GSE1: variants seen among roughly 807,000 people sequenced by gnomAD.
The protein encoded by GSE1 is Gse1 coiled-coil protein.
A neutral mutation model predicts 112.6 loss-of-function variants in GSE1; 32 were observed. The observed-to-expected ratio is 0.28, with a 90% CI of 0.21 to 0.38. The LOEUF (loss-of-function observed/expected upper bound fraction) is 0.38, where lower values mean the gene tolerates loss of function less well. Ranked by LOEUF, GSE1 falls within the 10% of genes least tolerant of loss-of-function variation. The pLI is 1.00. For missense variants in GSE1, 2,348 were observed against 1,699.2 expected (o/e 1.38, Z -6.71); for synonymous variants, 1,115 against 735.6 (o/e 1.52, Z -8.35).
rs190932050 is a variant in GSE1, at chr16:85,260,711, C to T, written c.2283+88904C>T. Among the ~76,000 whole-genome samples the T allele has an allele frequency of 5.6e-3, 858 of 152,368 alleles. 7 individuals are homozygous for T. Among genetic ancestry groups the T allele is most frequent in the Non-Finnish European group, 9.3e-3 (631 of 68,030 alleles). On this transcript the variant is annotated intron_variant, in intron 1 of 2. Coordinates refer to the GSE1 transcript ENST00000637419. ...CGCCACAGGGCCCTTTCTGGCCCCC[C>T]GTGCTCCCTACTCCAGGGAGCTGCT... is the stretch of plus-strand genomic sequence containing the variant.
At chr16:85,612,072 G>C (rs1424966395), upstream of GSE1, among the ~76,000 whole-genome samples, 3 of 152,000 alleles carry the variant, frequency 2.0e-5, no homozygotes, top group African/African-American at 7.2e-5. Context: ...CTAGATCAGA[G>C]GGGTGTTGGA....
chr16:85,263,240 G>A (rs1357719402), intron 1 of GSE1, among the ~76,000 whole-genome samples: 1 of 152,104 alleles, frequency 6.6e-6, no homozygotes, highest in African/African-American at 2.4e-5. Flanking sequence ...TGCTTGTTTA[G>A]CAAAGATCAT....
intron 1 of GSE1, among the ~76,000 whole-genome samples, chr16:85,255,981 C>G (rs1279246005): frequency 1.3e-5 from 2 of 152,244 alleles, no homozygotes; most frequent in Admixed American, 6.5e-5. Context: ...AGCCACCACA[C>G]CCGGCCAGTG....
intron 1 of GSE1, among the ~76,000 whole-genome samples, chr16:85,625,126 C>A (rs1344838527): frequency 1.3e-5 from 2 of 152,178 alleles, no homozygotes; most frequent in South Asian, 2.1e-4. Flanking sequence ...TGTCGTGCCC[C>A]TTTAGGAGGC....
At chr16:85,251,234 C>CA (rs1472122938) in intron 1 of GSE1, among the ~76,000 whole-genome samples, 1 of 152,242 alleles carries the variant, frequency 6.6e-6, no homozygotes, top group African/African-American at 2.4e-5. Context: ...TTCCAGCTCT[C>CA]AGAGGCCTTG....
intron 1 of GSE1, among the ~76,000 whole-genome samples, chr16:85,277,637 G>A (rs1027224144): frequency 6.6e-6 from 1 of 152,242 alleles, no homozygotes; most frequent in Admixed American, 6.5e-5. Flanking sequence ...ACCTGGAAGA[G>A]CCCCTGGGCT....
intron 1 of GSE1, among the ~76,000 whole-genome samples, chr16:85,279,873 G>A (rs1017600455): frequency 3.9e-5 from 6 of 152,268 alleles, no homozygotes; most frequent in East Asian, 3.9e-4. Context: ...TGGAAGGAAC[G>A]CCATCTCAGA....
At chr16:85,569,997 G>A (rs539809389) in intron 1 of GSE1, among the ~76,000 whole-genome samples, 2 of 152,330 alleles carry the variant, frequency 1.3e-5, no homozygotes, top group Admixed American at 1.3e-4. Flanking sequence ...GAAAAGTGAG[G>A]TTTCTGGTGG....
chr16:85,632,545 C>T (rs967431119), intron 1 of GSE1, among the ~76,000 whole-genome samples: 2 of 152,164 alleles, frequency 1.3e-5, no homozygotes, highest in Non-Finnish European at 1.5e-5. Context: ...GGGTCCTCTC[C>T]ACGCTGCCTC....
intron 1 of GSE1, among the ~76,000 whole-genome samples, chr16:85,587,511 G>C (rs2046763418): frequency 6.6e-6 from 1 of 152,094 alleles, no homozygotes; most frequent in South Asian, 2.1e-4. Flanking sequence ...GCACCTGCTG[G>C]GCTCCTGGGG....
At chr16:85,410,496 C>T (rs142348820) in intron 2 of GSE1, among the ~76,000 whole-genome samples, 1 of 5,766 alleles carries the variant, frequency 1.7e-4, no homozygotes, top group Non-Finnish European at 6.0e-4. Context: ...ACACTCAGGG[C>T]CCCCCGGATA....
intron 1 of GSE1, among the ~76,000 whole-genome samples, chr16:85,559,882 A>G (rs1030016194): frequency 6.6e-6 from 1 of 152,194 alleles, no homozygotes; most frequent in African/African-American, 2.4e-5. Context: ...AGTTGTGAGC[A>G]GAGACCATCT....
rs772175137 is a variant in GSE1, at chr16:85,666,214, C to T, written c.2997C>T (p.Asp999=). ...ATATCCGGGGCGCTGCACCCAAGGA[C>T]ATTCCTGTGCCGCTGTCCCACAGCA... ...LHYIRGAAPK[D]IPVPLSHSTN... Residue 999 remains aspartate, a synonymous_variant, in exon 13 of 16, where the codon GAC becomes GAT. Coordinates refer to ENST00000253458, the MANE Select transcript of GSE1 (RefSeq NM_014615.5). The T allele has an allele frequency of 2.9e-5, 47 of 1,613,596 alleles. No individual in the cohort carries two copies. The highest frequency in any genetic ancestry group is 1.6e-4 in the South Asian group (15 of 91,092).
chr16:85,565,285 A>G (rs1453801340), intron 1 of GSE1, among the ~76,000 whole-genome samples: 2 of 151,868 alleles, frequency 1.3e-5, no homozygotes, highest in African/African-American at 2.4e-5. Context: ...CCAGCTACTC[A>G]GGAGGCTGAG....
At chr16:85,448,954 G>A (rs550385232) in intron 2 of GSE1, among the ~76,000 whole-genome samples, 1 of 152,154 alleles carries the variant, frequency 6.6e-6, no homozygotes, top group Non-Finnish European at 1.5e-5. Flanking sequence ...TCCAGGAGCT[G>A]TTTGCCTCTC....
intron 2 of GSE1, among the ~76,000 whole-genome samples, chr16:85,477,126 C>G (rs2050483271): frequency 6.6e-6 from 1 of 152,032 alleles, no homozygotes; most frequent in Non-Finnish European, 1.5e-5. Flanking sequence ...CGGGGTTTCG[C>G]CATGTTGGCC....
In GSE1 at chr16:85,320,465, T is replaced by TG. The variant is rs1262276009; in HGVS notation, c.2284-36998_2284-36997insG. On this transcript the variant is annotated intron_variant, in intron 1 of 2. Transcript: ENST00000637419. ...AATGTTTTGTTTTGTTTTGTTTTGT[T>TG]TTGTTTTTTTGTAGAAATGGAGTCT... Among the ~76,000 whole-genome samples, 313 of 151,882 alleles carry TG rather than the reference T, an allele frequency of 2.1e-3. 1 individual carries two copies. Among genetic ancestry groups the TG allele is most frequent in the African/African-American group, 7.0e-3 (289 of 41,410 alleles).
intron 1 of GSE1, among the ~76,000 whole-genome samples, chr16:85,175,619 G>A (rs1264897552): frequency 2.6e-5 from 4 of 152,214 alleles, no homozygotes; most frequent in Non-Finnish European, 5.9e-5. Flanking sequence ...TGAGATTGCA[G>A]CCTCTGCCTG....
chr16:85,431,327 G>T (rs1377315111), intron 2 of GSE1, among the ~76,000 whole-genome samples: 3 of 152,224 alleles, frequency 2.0e-5, no homozygotes, highest in African/African-American at 7.2e-5. Context: ...CCGCGGTGCC[G>T]CATGATGGCG....
Sources: allele counts gnomAD v4.1 joint callset (sites outside exome capture counted in the v4.1 genomes callset), GRCh38; gene constraint gnomAD v4.1.1; transcripts MANE v1.5; gene names NCBI Gene and HGNC (gene_info 2026-07-23, HGNC 2026-07-21).